Variants in SPINT2 observed in about 807,000 individuals in gnomAD.
SPINT2 encodes serine peptidase inhibitor, Kunitz type 2.
SPINT2 carries 18 observed loss-of-function variants against 30.1 expected under a neutral mutation model. The ratio of observed to expected loss-of-function variants is 0.60; its 90% confidence interval spans 0.41 to 0.89. The LOEUF is 0.89. SPINT2 is among the 40% of genes least tolerant of loss of function. SPINT2 has a pLI of 0.00. For synonymous variants in SPINT2, 139 were observed against 137.9 expected, an observed-to-expected ratio of 1.01 and a Z score of -0.05; for missense variants, 276 against 334.3, an observed-to-expected ratio of 0.83 and a Z score of 1.36.
In SPINT2 at chr19:38,264,837, G is replaced by T; in HGVS notation, c.-56G>T. The T allele has an allele frequency of 6.6e-7, 1 of 1,513,176 alleles. No homozygotes were observed. Among genetic ancestry groups the T allele is most frequent in the South Asian group, 1.2e-5 (1 of 83,170 alleles). 93.7% of individuals were successfully genotyped at this position (1,513,176 alleles called of 1,614,324 possible). A position where few individuals can be genotyped will look rare whatever the true frequency, so the allele number is the denominator to read the frequency against. On this transcript the variant is annotated 5_prime_UTR_variant, in exon 1 of 7. Transcript: ENST00000301244. ...GCGCGTTGAGGGGCTTCCCGCACCT[G>T]ATCGCGAGACCCCAACGGCTGGTGG...
At position 38,289,202 on chromosome 19, in the gene SPINT2, A is replaced by G. The variant is rs1968680519; in HGVS notation, c.391+11A>G. ...TGTTCAACTATGAAGGTAAAACTCCAAAGAGGCCAGGTGCGGTGGCTCACA... is the reference window on the plus strand; with the variant it reads ...TGTTCAACTATGAAGGTAAAACTCCGAAGAGGCCAGGTGCGGTGGCTCACA... On this transcript the variant is annotated intron_variant, in intron 4 of 6. Transcript: ENST00000301244. 1 of 1,613,300 alleles carries G rather than the reference A, an allele frequency of 6.2e-7. No individual in the cohort carries two copies. The highest frequency in any genetic ancestry group is 1.3e-5 in the African/African-American group (1 of 74,864).
At chr19:38,289,825 T>G in intron 4 of SPINT2, 1 of 451,216 alleles carries the variant, frequency 2.2e-6, no homozygotes. Flanking sequence ...AGAGTTCCCA[T>G]GTATAAAATG....
At chr19:38,291,456 C>T (rs934693749) in intron 6 of SPINT2, 6 of 197,156 alleles carry the variant, frequency 3.0e-5, no homozygotes, top group Non-Finnish European at 6.3e-5. Flanking sequence ...TGCACAAAGC[C>T]CCTAAGGTTT....
At chr19:38,280,526 C>G (rs1290770090) in intron 1 of SPINT2, among the ~76,000 whole-genome samples, 2 of 152,082 alleles carry the variant, frequency 1.3e-5, no homozygotes, top group African/African-American at 4.8e-5. Context: ...TCCTGTGTCT[C>G]CTCAGCACGA....
intron 4 of SPINT2, 163 bp from the exon 5 acceptor site, chr19:38,289,956 G>A (rs1292005394): frequency 2.7e-5 from 21 of 779,102 alleles, no homozygotes; most frequent in South Asian, 9.1e-5. Context: ...GGAGCAGCGC[G>A]TCAGAGCCGC....
At chr19:38,291,669 C>T (rs1268964864) in intron 6 of SPINT2, 171 bp from the exon 7 acceptor site, 35 of 770,484 alleles carry the variant, frequency 4.5e-5, no homozygotes, top group Admixed American at 8.8e-5. Context: ...TTGGTGGCAT[C>T]TCTGGCAGGC....
chr19:38,271,311 G>C (rs1490882646), intron 1 of SPINT2, among the ~76,000 whole-genome samples: 1 of 151,630 alleles, frequency 6.6e-6, no homozygotes, highest in Non-Finnish European at 1.5e-5. Flanking sequence ...CTAACACGGT[G>C]AAAACCCGTT....
chr19:38,275,947 G>C (rs575554236), intron 1 of SPINT2, among the ~76,000 whole-genome samples: 2 of 150,324 alleles, frequency 1.3e-5, no homozygotes, highest in African/African-American at 4.9e-5. Context: ...GGCTGGTCTC[G>C]AACTCCTGAC....
At chr19:38,266,481 C>A (rs55978203) in intron 1 of SPINT2, among the ~76,000 whole-genome samples, 35,528 of 151,796 alleles carry the variant, frequency 0.23, 4,262 homozygotes, top group Admixed American at 0.28. Context: ...TTCAACACCA[C>A]CCTAGGCAAC....
chr19:38,289,074 G>A, intron 3 of SPINT2, 64 bp from the exon 4 acceptor site: 1 of 1,524,744 alleles, frequency 6.6e-7, no homozygotes, highest in Middle Eastern at 1.7e-4. Flanking sequence ...TCCAGACCCA[G>A]ACCCAGCTAG....
intron 2 of SPINT2, among the ~76,000 whole-genome samples, chr19:38,286,722 G>T (rs1968646021): frequency 6.6e-6 from 1 of 152,186 alleles, no homozygotes; most frequent in African/African-American, 2.4e-5. Flanking sequence ...GGTGGAGCTT[G>T]CAGTGAGCTG....
rs975101835 is a variant in SPINT2 at position 38,292,248 on chromosome 19, C to T, written c.*242C>T. On this transcript the variant is annotated 3_prime_UTR_variant, in exon 7 of 7. Coordinates refer to ENST00000301244, the MANE Select transcript of SPINT2 (RefSeq NM_021102.4). ...GAGTTGTTTCCTCGCTGATCGATTT[C>T]TTTCCTCCAGGTAGAGTTTTCTTTG... 1.0e-5 allele frequency: 5 copies of T among 500,880 alleles called. No homozygotes were observed. The highest frequency in any genetic ancestry group is 9.6e-5 in the African/African-American group (5 of 52,166). The allele number at this position is 500,880 out of a possible 1,614,324, so 31.0% of individuals were successfully genotyped here. A position where few individuals can be genotyped will look rare whatever the true frequency, so the allele number is the denominator to read the frequency against.
At chr19:38,280,530 A>G (rs1968568841) in intron 1 of SPINT2, among the ~76,000 whole-genome samples, 1 of 152,100 alleles carries the variant, frequency 6.6e-6, no homozygotes, top group African/African-American at 2.4e-5. Context: ...GTGTCTCCTC[A>G]GCACGAGGGC....
At chr19:38,279,455 C>T (rs761258854) in intron 1 of SPINT2, among the ~76,000 whole-genome samples, 10 of 151,768 alleles carry the variant, frequency 6.6e-5, no homozygotes, top group Non-Finnish European at 1.5e-4. Context: ...CGAGATCGCA[C>T]CATTGCATTC....
At chr19:38,289,242 G>A (rs749337905) in intron 4 of SPINT2, 51 bp downstream of exon 4, 66 of 1,516,206 alleles carry the variant, frequency 4.4e-5, no homozygotes, top group Admixed American at 4.2e-4. Context: ...TAATCCCAGC[G>A]CTTTGGGAGG....
chr19:38,280,352 T>G (rs536594102), intron 1 of SPINT2, among the ~76,000 whole-genome samples: 29 of 152,344 alleles, frequency 1.9e-4, no homozygotes, highest in South Asian at 1.0e-3. Flanking sequence ...TTATTCTGAC[T>G]TCAAGCATCG....
rs750617467 is a variant in SPINT2, at chr19:38,264,852, A to G, written c.-41A>G. ...TCCCGCACCTGATCGCGAGACCCCA[A>G]CGGCTGGTGGCGTCGCCTGCGCGTC... On this transcript the variant is annotated 5_prime_UTR_variant, in exon 1 of 7. Transcript: ENST00000301244. The G allele has an allele frequency of 2.0e-4, 300 of 1,526,220 alleles. 1 individual carries two copies. The highest frequency in any genetic ancestry group is 4.9e-4 in the Admixed American group (25 of 50,838). The allele number at this position is 1,526,220 out of a possible 1,614,324, so 94.5% of individuals were successfully genotyped here. A position where few individuals can be genotyped will look rare whatever the true frequency, so the allele number is the denominator to read the frequency against.
chr19:38,277,783 T>A (rs909961052), intron 1 of SPINT2, among the ~76,000 whole-genome samples: 1 of 152,224 alleles, frequency 6.6e-6, no homozygotes, highest in African/African-American at 2.4e-5. Context: ...TCGGATAATG[T>A]GTGACTTTTG....
At chr19:38,273,829 G>GGT (rs1968484489) in intron 1 of SPINT2, among the ~76,000 whole-genome samples, 1 of 152,078 alleles carries the variant, frequency 6.6e-6, no homozygotes, top group African/African-American at 2.4e-5. Flanking sequence ...ATGCTTGGTT[G>GGT]GACTCTGTAG....
Sources: allele counts gnomAD v4.1 joint callset (sites outside exome capture counted in the v4.1 genomes callset), GRCh38; gene constraint gnomAD v4.1.1; transcripts MANE v1.5; gene names NCBI Gene and HGNC (gene_info 2026-07-23, HGNC 2026-07-21).